SCOC: variants seen among roughly 807,000 people sequenced by gnomAD.
SCOC encodes short coiled-coil protein.
In SCOC, 7 loss-of-function variants were observed where a neutral mutation model predicts 9.9. That is an observed-to-expected ratio of 0.71 (90% confidence interval 0.40 to 1.33). The LOEUF is 1.33. Ranked by LOEUF, SCOC falls within the 40% of genes most tolerant of loss-of-function variation. The probability of loss-of-function intolerance (pLI) is 0.01; values close to 1 mark genes in which losing one functional copy is unlikely to be tolerated. For missense variants in SCOC, 66 were observed against 89.7 expected, an observed-to-expected ratio of 0.74 and a Z score of 1.07; for synonymous variants, 19 against 28.2, an observed-to-expected ratio of 0.67 and a Z score of 1.03.
At chr4:140,288,421 A>G (rs1236675946) in intron 1 of SCOC, among the ~76,000 whole-genome samples, 4 of 151,526 alleles carry the variant, frequency 2.6e-5, no homozygotes, top group African/African-American at 9.8e-5. Context: ...CACAAAACAC[A>G]CACAGGTACA....
At chr4:140,379,245 C>A in intron 2 of SCOC, 53 bp downstream of exon 2, 3 of 1,202,850 alleles carry the variant, frequency 2.5e-6, no homozygotes, top group Non-Finnish European at 3.7e-6. Flanking sequence ...GATGCTTTTG[C>A]TTTATTAAGC....
At chr4:140,329,630 G>C (rs1454717504) in intron 1 of SCOC, among the ~76,000 whole-genome samples, 1 of 152,042 alleles carries the variant, frequency 6.6e-6, no homozygotes, top group African/African-American at 2.4e-5. Context: ...CCATCAAAAA[G>C]TGGGCTAAGG....
At chr4:140,330,510 G>A (rs1309876730) in intron 1 of SCOC, among the ~76,000 whole-genome samples, 2 of 152,152 alleles carry the variant, frequency 1.3e-5, no homozygotes, top group Admixed American at 6.6e-5. Flanking sequence ...TTATCCACCA[G>A]AGGGAGCCAA....
At chr4:140,341,251 A>C (rs948583884), upstream of SCOC, among the ~76,000 whole-genome samples, 2 of 152,200 alleles carry the variant, frequency 1.3e-5, no homozygotes, top group African/African-American at 4.8e-5. Context: ...GTATGCATTA[A>C]AGCAAATACA....
intron 1 of SCOC, among the ~76,000 whole-genome samples, chr4:140,330,706 T>C (rs374131251): frequency 6.6e-6 from 1 of 152,352 alleles, no homozygotes; most frequent in Non-Finnish European, 1.5e-5. Flanking sequence ...GTTTTAATAG[T>C]AAGAGTCAAA....
chr4:140,321,486 AAAC>A (rs1732499043), intron 1 of SCOC, among the ~76,000 whole-genome samples: 1 of 152,218 alleles, frequency 6.6e-6, no homozygotes, highest in African/African-American at 2.4e-5. Context: ...AGAGAGATAG[AAAC>A]AACAAGAAAG....
At chr4:140,259,689 A>T (rs745583213) in intron 1 of SCOC, among the ~76,000 whole-genome samples, 2 of 152,230 alleles carry the variant, frequency 1.3e-5, no homozygotes, top group Non-Finnish European at 2.9e-5. Context: ...AGCCTGGGTG[A>T]CAGAGTGAGA....
chr4:140,361,107 G>C (rs900967105), intron 2 of SCOC: 1 of 152,106 alleles, frequency 6.6e-6, no homozygotes, highest in Non-Finnish European at 1.5e-5. Flanking sequence ...TATGCCAAGA[G>C]TACTGACACC....
At chr4:140,374,774 A>G (rs987137295) in intron 1 of SCOC, among the ~76,000 whole-genome samples, 1 of 152,196 alleles carries the variant, frequency 6.6e-6, no homozygotes, top group Non-Finnish European at 1.5e-5. Flanking sequence ...TGGACTGTGA[A>G]GTTAGACCTG....
intron 1 of SCOC, among the ~76,000 whole-genome samples, chr4:140,296,171 T>C (rs928538918): frequency 1.3e-5 from 2 of 152,092 alleles, no homozygotes. Context: ...TGAATCATTA[T>C]CTGGTTGTGA....
chr4:140,371,334 G>A (rs1466299204), upstream of SCOC, among the ~76,000 whole-genome samples: 2 of 152,038 alleles, frequency 1.3e-5, no homozygotes, highest in African/African-American at 4.8e-5. Flanking sequence ...GAATCGTGCT[G>A]TTTCTTCCCT....
intron 1 of SCOC, among the ~76,000 whole-genome samples, chr4:140,280,963 T>C (rs745328676): frequency 3.3e-5 from 5 of 152,202 alleles, no homozygotes; most frequent in Non-Finnish European, 7.3e-5. Context: ...TTCATCTATA[T>C]TGCTACAAAA....
intron 1 of SCOC, among the ~76,000 whole-genome samples, chr4:140,320,243 A>C (rs1477460406): frequency 6.6e-6 from 1 of 152,194 alleles, no homozygotes; most frequent in Non-Finnish European, 1.5e-5. Flanking sequence ...CAGCACCATG[A>C]CAGTTTACAA....
intron 1 of SCOC, among the ~76,000 whole-genome samples, chr4:140,330,051 C>A (rs1373081974): frequency 6.6e-6 from 1 of 152,154 alleles, no homozygotes; most frequent in Non-Finnish European, 1.5e-5. Flanking sequence ...ATGAAACCAG[C>A]CCAAATGCCC....
intron 1 of SCOC, among the ~76,000 whole-genome samples, chr4:140,276,971 T>A (rs923099621): frequency 6.6e-6 from 1 of 152,108 alleles, no homozygotes; most frequent in African/African-American, 2.4e-5. Context: ...CTCATGGAGG[T>A]CTTTTAAGGA....
intron 1 of SCOC, among the ~76,000 whole-genome samples, chr4:140,287,574 C>G (rs1259883123): frequency 1.3e-5 from 2 of 151,906 alleles, no homozygotes; most frequent in Admixed American, 1.3e-4. Context: ...ACAGACCATG[C>G]ACATGCATAT....
upstream of SCOC, among the ~76,000 whole-genome samples, chr4:140,371,446 T>C: frequency 6.6e-6 from 1 of 152,200 alleles, no homozygotes; most frequent in African/African-American, 2.4e-5. Flanking sequence ...ATTTCTGTCG[T>C]GGTATCAGGA....
At chr4:140,299,538 T>C (rs990712805) in intron 1 of SCOC, among the ~76,000 whole-genome samples, 16 of 152,236 alleles carry the variant, frequency 1.1e-4, no homozygotes, top group African/African-American at 3.6e-4. Flanking sequence ...AATGTTGCTA[T>C]AGCTCAAATC....
rs183379470 is a variant in SCOC, at chr4:140,373,704, G to T, written c.-64G>T. The T allele has an allele frequency of 8.4e-6, 13 of 1,548,362 alleles. No individual in the cohort carries two copies. In the South Asian group the frequency reaches 1.5e-4, roughly 18 times the overall value. On this transcript the variant is annotated 5_prime_UTR_variant, in exon 1 of 4. Coordinates refer to ENST00000608372, the MANE Select transcript of SCOC (RefSeq NM_001153484.2). Reference sequence around the variant, plus strand: ...CGGCCGGATCCCTCCTTCTCCCGGCGCCTCAAGCGGAAGGTGAGGGCCGTC... The same window carrying T: ...CGGCCGGATCCCTCCTTCTCCCGGCTCCTCAAGCGGAAGGTGAGGGCCGTC...
Sources: allele counts gnomAD v4.1 joint callset (sites outside exome capture counted in the v4.1 genomes callset), GRCh38; gene constraint gnomAD v4.1.1; transcripts MANE v1.5; gene names NCBI Gene and HGNC (gene_info 2026-07-23, HGNC 2026-07-21).